ADGRB3: variants seen among roughly 807,000 people sequenced by gnomAD.
ADGRB3 encodes the protein adhesion G protein-coupled receptor B3, also known as brain-specific angiogenesis inhibitor 3.
Under a neutral mutation model 193.4 loss-of-function variants are expected in ADGRB3, and 37 were observed. The ratio of observed to expected loss-of-function variants is 0.19; its 90% CI spans 0.15 to 0.25. The LOEUF (loss-of-function observed/expected upper bound fraction) is 0.25. Ranked by LOEUF, ADGRB3 falls within the 10% of genes least tolerant of loss-of-function variation. The pLI, the probability that ADGRB3 is intolerant of heterozygous loss-of-function variation, is 1.00. For synonymous variants in ADGRB3, 690 were observed against 644.2 expected, an observed-to-expected ratio of 1.07 and a Z score of -1.08; for missense variants, 1,637 against 1,852.9, an observed-to-expected ratio of 0.88 and a Z score of 2.14.
chr6:69,388,680 C>G, intron 31 of ADGRB3, 23 bp from the exon 32 acceptor site: 1 of 1,601,622 alleles, frequency 6.2e-7, no homozygotes, highest in Non-Finnish European at 8.5e-7. Context: ...ATAAATGACT[C>G]TCTTTCCCTC....
chr6:68,680,908 CTT>C (rs907081092), intron 3 of ADGRB3, among the ~76,000 whole-genome samples: 7 of 152,054 alleles, frequency 4.6e-5, no homozygotes, highest in African/African-American at 1.7e-4. Flanking sequence ...GCCTCCATGT[CTT>C]AGTCTATTTT....
At chr6:68,969,353 G>T (rs1055841075) in intron 8 of ADGRB3, among the ~76,000 whole-genome samples, 1 of 152,104 alleles carries the variant, frequency 6.6e-6, no homozygotes, top group Non-Finnish European at 1.5e-5. Flanking sequence ...TCTGTGGATT[G>T]AACCAACCAC....
At chr6:69,336,706 G>GT (rs779491940) in intron 24 of ADGRB3, among the ~76,000 whole-genome samples, 38 of 151,674 alleles carry the variant, frequency 2.5e-4, no homozygotes, top group Non-Finnish European at 1.5e-4. Flanking sequence ...ACAACTCAAG[G>GT]TTTTTTTTAC....
chr6:68,984,074 A>G (rs1239114719), intron 10 of ADGRB3, among the ~76,000 whole-genome samples: 1 of 152,134 alleles, frequency 6.6e-6, no homozygotes, highest in East Asian at 1.9e-4. Flanking sequence ...GTGTCATGAC[A>G]TGAGGCTGGA....
At position 68,703,396 on chromosome 6, in the gene ADGRB3, G is replaced by A. The variant is rs138249529; in HGVS notation, c.757+63964G>A. 8.0e-4 allele frequency among the ~76,000 whole-genome samples: 121 copies of A among 151,976 alleles called. No individual in the cohort carries two copies. The East Asian group carries it at 0.019, about 23-fold the overall frequency. On this transcript the variant is annotated intron_variant, in intron 3 of 31. Coordinates refer to ENST00000370598, the MANE Select transcript of ADGRB3 (RefSeq NM_001704.3). ...GAAGTATAATTTTGAAATTTTGAGC[G>A]TATCAATTTATAGTCATAAAGGTCA... is the stretch of plus-strand genomic sequence containing the variant.
intron 17 of ADGRB3, among the ~76,000 whole-genome samples, chr6:69,150,761 G>C (rs1412724619): frequency 6.6e-6 from 1 of 152,200 alleles, no homozygotes; most frequent in South Asian, 2.1e-4. Context: ...CCCAGAGTGT[G>C]TACTACCTGG....
At chr6:69,363,162 A>T (rs1196447268) in intron 29 of ADGRB3, among the ~76,000 whole-genome samples, 1 of 151,928 alleles carries the variant, frequency 6.6e-6, no homozygotes, top group African/African-American at 2.4e-5. Context: ...AATTTTTCCA[A>T]ATTTCCGTAT....
At chr6:69,122,122 C>T (rs1000479082) in intron 17 of ADGRB3, among the ~76,000 whole-genome samples, 23 of 150,674 alleles carry the variant, frequency 1.5e-4, no homozygotes, top group East Asian at 1.2e-3. Flanking sequence ...GATGTTGTGG[C>T]GAGCCGAGAT....
chr6:69,331,666 T>G, intron 23 of ADGRB3: 2 of 985,422 alleles, frequency 2.0e-6, no homozygotes, highest in Non-Finnish European at 2.4e-6. Context: ...TGTCTGCTGC[T>G]TTGAATTTTT....
intron 3 of ADGRB3, among the ~76,000 whole-genome samples, chr6:68,811,986 G>A (rs1388215298): frequency 3.3e-5 from 5 of 152,162 alleles, no homozygotes; most frequent in Non-Finnish European, 7.3e-5. Flanking sequence ...TTTAGTTGTA[G>A]TAGATGAAGA....
intron 3 of ADGRB3, among the ~76,000 whole-genome samples, chr6:68,648,654 T>C (rs1768275431): frequency 6.6e-6 from 1 of 150,572 alleles, no homozygotes; most frequent in Non-Finnish European, 1.5e-5. Flanking sequence ...TAACAACAGT[T>C]ATGTTAAGGT....
intron 3 of ADGRB3, among the ~76,000 whole-genome samples, chr6:68,855,109 C>G (rs1421653562): frequency 1.3e-5 from 2 of 152,190 alleles, no homozygotes; most frequent in Non-Finnish European, 2.9e-5. Flanking sequence ...TCTTTTGCTG[C>G]ATTTTGCATT....
intron 19 of ADGRB3, among the ~76,000 whole-genome samples, chr6:69,237,353 G>T (rs920947328): frequency 6.6e-6 from 1 of 151,894 alleles, no homozygotes; most frequent in Admixed American, 6.6e-5. Context: ...TGGTGGCGTT[G>T]CATGTAGTTC....
chr6:68,999,591 G>GT (rs1449182322), intron 11 of ADGRB3, among the ~76,000 whole-genome samples: 23 of 152,070 alleles, frequency 1.5e-4, no homozygotes, highest in Non-Finnish European at 1.5e-5. Flanking sequence ...TCTGACTTAT[G>GT]TTTCTTTAAG....
chr6:68,834,299 T>C (rs1768007967), intron 3 of ADGRB3, among the ~76,000 whole-genome samples: 1 of 151,886 alleles, frequency 6.6e-6, no homozygotes, highest in Non-Finnish European at 1.5e-5. Context: ...TCAGCAAGAG[T>C]GTATGTGTGG....
chr6:69,258,458 T>A (rs1027141638), intron 20 of ADGRB3, among the ~76,000 whole-genome samples: 17 of 152,224 alleles, frequency 1.1e-4, no homozygotes, highest in African/African-American at 4.1e-4. Context: ...GGAATTGTAC[T>A]GATTATAAAA....
chr6:68,819,833 G>A (rs893497130), intron 3 of ADGRB3, among the ~76,000 whole-genome samples: 5 of 152,018 alleles, frequency 3.3e-5, no homozygotes, highest in South Asian at 2.1e-4. Flanking sequence ...TTTGCTGTTC[G>A]TCTGCTTTGT....
intron 3 of ADGRB3, among the ~76,000 whole-genome samples, chr6:68,922,567 C>T (rs1767073511): frequency 3.9e-5 from 6 of 152,334 alleles, no homozygotes; most frequent in Admixed American, 3.3e-4. Context: ...AACTCTTGGT[C>T]TGCTGGGAGA....
intron 3 of ADGRB3, among the ~76,000 whole-genome samples, chr6:68,776,860 A>G (rs1195425789): frequency 1.3e-5 from 2 of 152,144 alleles, no homozygotes; most frequent in East Asian, 3.9e-4. Context: ...TCAAAAAGGA[A>G]TCCTTAAACC....
Sources: gnomAD v4.1 joint callset for allele counts (sites outside exome capture counted in the v4.1 genomes callset) on GRCh38, gnomAD v4.1.1 for gene constraint, MANE v1.5 for transcripts, NCBI Gene and HGNC (gene_info 2026-07-23, HGNC 2026-07-21) for gene names.